Variants in PIBF1 observed in about 807,000 individuals in gnomAD.
The protein encoded by PIBF1 is progesterone immunomodulatory binding factor 1.
In PIBF1, 90 loss-of-function variants were observed where a neutral mutation model predicts 112.5. That is an observed-to-expected ratio of 0.80 (90% CI 0.67 to 0.95). The LOEUF (loss-of-function observed/expected upper bound fraction) is 0.95. Ranked by LOEUF, PIBF1 falls within the 40% of genes least tolerant of loss-of-function variation. The pLI, the probability that PIBF1 is intolerant of heterozygous loss-of-function variation, is 0.00. For synonymous variants in PIBF1, 301 were observed against 288.6 expected (o/e 1.04, Z -0.44); for missense variants, 915 against 852.3 (o/e 1.07, Z -0.92).
At chr13:72,789,570 A>G (rs1298866055) in intron 2 of PIBF1, among the ~76,000 whole-genome samples, 1 of 152,112 alleles carries the variant, frequency 6.6e-6, no homozygotes, top group African/African-American at 2.4e-5. Flanking sequence ...GGAAATGAAT[A>G]CATTTCCCAG....
intron 8 of PIBF1, among the ~76,000 whole-genome samples, chr13:72,828,680 T>G (rs2036949919): frequency 6.6e-6 from 1 of 152,206 alleles, no homozygotes; most frequent in Non-Finnish European, 1.5e-5. Flanking sequence ...TCCAGTCTGT[T>G]ATTGAAGGAC....
At chr13:72,844,092 G>A (rs1195652690) in intron 9 of PIBF1, among the ~76,000 whole-genome samples, 3 of 152,048 alleles carry the variant, frequency 2.0e-5, no homozygotes, top group Non-Finnish European at 2.9e-5. Context: ...CTTTACATAC[G>A]TTGTAGAAAA....
At chr13:72,996,142 A>T (rs944339475) in intron 16 of PIBF1, among the ~76,000 whole-genome samples, 17 of 131,110 alleles carry the variant, frequency 1.3e-4, no homozygotes, top group Admixed American at 8.9e-5. Context: ...AAAAATTGCC[A>T]CTCATATTAA....
At chr13:72,835,484 CTT>C in intron 9 of PIBF1, 116 bp downstream of exon 9, 1 of 720,744 alleles carries the variant, frequency 1.4e-6, no homozygotes, top group Non-Finnish European at 2.1e-6. Context: ...TTAGAGAAAA[CTT>C]GTCATAAATT....
At chr13:72,854,607 T>C (rs1403894045) in intron 10 of PIBF1, among the ~76,000 whole-genome samples, 2 of 152,226 alleles carry the variant, frequency 1.3e-5, no homozygotes, top group Non-Finnish European at 2.9e-5. Context: ...GAATATATTT[T>C]ATTCACCTGT....
chr13:72,787,527 G>A (rs1593879430), intron 2 of PIBF1, among the ~76,000 whole-genome samples: 1 of 152,200 alleles, frequency 6.6e-6, no homozygotes, highest in African/African-American at 2.4e-5. Context: ...GAAATGAACA[G>A]GGTCCCCAAA....
In PIBF1 at chr13:72,870,582, TAAAAC is replaced by T. The variant is rs1045645203; in HGVS notation, c.1322+16430_1322+16434del. The stretch of plus-strand genomic sequence containing the variant: ...ACACACTGTAGAGAATTTTAAAAAT[TAAAAC>T]AATTTCAGTTTTGAAAGAGCTGAAA... On this transcript the variant is annotated intron_variant, in intron 10 of 17. Coordinates refer to ENST00000326291, the MANE Select transcript of PIBF1 (RefSeq NM_006346.4). Among the ~76,000 whole-genome samples the T allele has an allele frequency of 9.2e-5, 14 of 152,184 alleles. 1 individual carries two copies. The highest frequency in any genetic ancestry group is 2.7e-4 in the African/African-American group (11 of 41,462).
chr13:72,875,232 T>C (rs541821443), intron 10 of PIBF1, among the ~76,000 whole-genome samples: 1 of 152,196 alleles, frequency 6.6e-6, no homozygotes, highest in East Asian at 1.9e-4. Flanking sequence ...TTTCATGACT[T>C]CATAGCTCAT....
intron 14 of PIBF1, among the ~76,000 whole-genome samples, chr13:72,942,235 G>A (rs1277287612): frequency 7.0e-6 from 1 of 142,712 alleles, no homozygotes; most frequent in African/African-American, 2.6e-5. Context: ...AAATTTCAAG[G>A]TCAACCATAT....
intron 11 of PIBF1, among the ~76,000 whole-genome samples, chr13:72,903,180 T>G (rs1250423744): frequency 6.6e-6 from 1 of 152,196 alleles, no homozygotes; most frequent in African/African-American, 2.4e-5. Context: ...ATTACAGGCG[T>G]GAGCCACCGC....
At chr13:72,951,231 C>T (rs2042288205) in intron 14 of PIBF1, among the ~76,000 whole-genome samples, 1 of 152,110 alleles carries the variant, frequency 6.6e-6, no homozygotes, top group Non-Finnish European at 1.5e-5. Context: ...TTTGTGTTCA[C>T]ATTCTGGGTT....
intron 12 of PIBF1, 102 bp downstream of exon 12, chr13:72,908,783 T>A: frequency 1.9e-6 from 2 of 1,050,672 alleles, no homozygotes; most frequent in Non-Finnish European, 2.7e-6. Flanking sequence ...GCACGGTGGC[T>A]CATGCCTGTA....
At chr13:72,936,237 A>C (rs959822256) in intron 14 of PIBF1, among the ~76,000 whole-genome samples, 26 of 151,988 alleles carry the variant, frequency 1.7e-4, no homozygotes, top group African/African-American at 6.0e-4. Flanking sequence ...AGGTCTCACT[A>C]TGTTGCTCAG....
chr13:72,871,959 A>G (rs554998874), intron 10 of PIBF1, among the ~76,000 whole-genome samples: 1 of 152,218 alleles, frequency 6.6e-6, no homozygotes, highest in Admixed American at 6.5e-5. Context: ...CTGTATCACC[A>G]CTAACAGATG....
At chr13:72,963,261 G>A (rs1224156084) in intron 14 of PIBF1, among the ~76,000 whole-genome samples, 1 of 152,150 alleles carries the variant, frequency 6.6e-6, no homozygotes, top group Admixed American at 6.6e-5. Context: ...ACATAAAATA[G>A]ATAAATTGAA....
chr13:72,817,593 G>A (rs1177460869), intron 5 of PIBF1, among the ~76,000 whole-genome samples: 1 of 152,048 alleles, frequency 6.6e-6, no homozygotes, highest in African/African-American at 2.4e-5. Context: ...TTATGATGTG[G>A]GAGACAAGTA....
chr13:72,948,398 C>T (rs139083141), intron 14 of PIBF1, among the ~76,000 whole-genome samples: 48 of 152,276 alleles, frequency 3.2e-4, no homozygotes, highest in African/African-American at 1.1e-3. Flanking sequence ...GAAACTACCT[C>T]AGTCAGCCTG....
chr13:72,977,517 C>CT (rs1435491688), intron 16 of PIBF1, among the ~76,000 whole-genome samples: 6 of 152,214 alleles, frequency 3.9e-5, no homozygotes, highest in Admixed American at 6.5e-5. Context: ...CTAGCTCTAA[C>CT]TTTTTTTAGC....
At chr13:72,983,652 G>A (rs984097897) in intron 16 of PIBF1, among the ~76,000 whole-genome samples, 15 of 152,050 alleles carry the variant, frequency 9.9e-5, no homozygotes, top group Admixed American at 3.9e-4. Context: ...TGTTCTTTGC[G>A]ATTTCTCGGA....
Sources: gnomAD v4.1 joint callset for allele counts (sites outside exome capture counted in the v4.1 genomes callset) on GRCh38, gnomAD v4.1.1 for gene constraint, MANE v1.5 for transcripts, NCBI Gene and HGNC (gene_info 2026-07-23, HGNC 2026-07-21) for gene names.